KCNN1: variants seen among roughly 807,000 people sequenced by gnomAD.
KCNN1 encodes the protein potassium calcium-activated channel subfamily N member 1, also known as small conductance calcium-activated potassium channel protein 1.
In KCNN1, 20 loss-of-function variants were observed where a neutral mutation model predicts 44.7. That is an observed-to-expected ratio of 0.45 (90% CI 0.32 to 0.65). The LOEUF is 0.65. KCNN1 is among the 30% of genes least tolerant of loss of function. The pLI is 0.05. For synonymous variants in KCNN1, 324 were observed against 341.7 expected (o/e 0.95, Z 0.57); for missense variants, 632 against 785.3 (o/e 0.80, Z 2.33).
chr19:17,998,061 G>T lies in KCNN1; in HGVS notation c.1378-91G>T. The T allele has an allele frequency of 7.1e-7, 1 of 1,400,232 alleles. No homozygotes were observed. The highest frequency in any genetic ancestry group is 9.5e-7 in the Non-Finnish European group (1 of 1,056,180). The allele number at this position is 1,400,232 out of a possible 1,614,324, so 86.7% of individuals were successfully genotyped here. On this transcript the variant is annotated intron_variant, in intron 9 of 9. Coordinates refer to ENST00000684775, the MANE Select transcript of KCNN1 (RefSeq NM_001386974.1). The surrounding 1 kb of genome is among the most constrained non-coding windows in gnomAD (Gnocchi z 5.4). ...GGCTGGCACCCACCTGGAGCGTGTG[G>T]GCTGTCCCTCTCTGTCATTGGTGTC...
At chr19:17,981,609 C>A in intron 3 of KCNN1, 100 bp from the exon 4 acceptor site, 1 of 977,654 alleles carries the variant, frequency 1.0e-6, no homozygotes, top group Non-Finnish European at 1.5e-6. Context: ...TGTGGGGTTT[C>A]AGGCCAGGCT....
upstream of KCNN1, among the ~76,000 whole-genome samples, chr19:17,964,505 C>T (rs1382463079): frequency 3.3e-5 from 5 of 152,258 alleles, no homozygotes; most frequent in East Asian, 1.9e-4. The surrounding 1 kb of genome is among the most constrained non-coding windows in gnomAD (Gnocchi z 4.3). Context: ...ACAGCCTGTG[C>T]GCAAGGCAGT....
chr19:17,960,544 C>T (rs907553353), intron 2 of KCNN1, among the ~76,000 whole-genome samples: 4 of 151,834 alleles, frequency 2.6e-5, no homozygotes, highest in African/African-American at 4.8e-5. Context: ...GCAGGAGAAT[C>T]GCTTGAACGT....
upstream of KCNN1, among the ~76,000 whole-genome samples, chr19:17,965,731 AG>A (rs1053347757): frequency 1.4e-5 from 2 of 144,658 alleles, no homozygotes; most frequent in African/African-American, 5.0e-5. Flanking sequence ...CACTCGTAAC[AG>A]CCCCCTGTTA....
At chr19:17,988,154 CAAAAAAAA>C (rs59928660) in intron 5 of KCNN1, among the ~76,000 whole-genome samples, 7 of 53,524 alleles carry the variant, frequency 1.3e-4, no homozygotes, top group East Asian at 1.0e-3. Context: ...GACTCCATCT[CAAAAAAAA>C]AAAAAAAAAA....
Position 17,967,223 on chromosome 19 carries a change from C to T in KCNN1, c.-176C>T. 1.0e-6 allele frequency: 1 copy of T among 982,102 alleles called. No individual in the cohort carries two copies. The highest frequency in any genetic ancestry group is 4.5e-5 in the South Asian group (1 of 22,010). 60.8% of individuals were successfully genotyped at this position (982,102 alleles called of 1,614,324 possible). ...CCCGCTCGCTGCTGCCCGCCCCGTC[C>T]GCGACCCCGGCTCCGGCTCCCGACT... is the stretch of plus-strand genomic sequence containing the variant. On this transcript the variant is annotated 5_prime_UTR_variant, in exon 1 of 10. Transcript: ENST00000684775.
chr19:17,994,350 G>A (rs771881401), intron 9 of KCNN1, among the ~76,000 whole-genome samples: 1 of 151,774 alleles, frequency 6.6e-6, no homozygotes, highest in Non-Finnish European at 1.5e-5. Flanking sequence ...GGGAGGCTGA[G>A]GCGGGAGAAT....
rs369304720 is a variant in KCNN1, at chr19:17,957,108, A to C, written c.-82+2427A>C. Among the ~76,000 whole-genome samples the C allele has an allele frequency of 6.8e-5, 10 of 146,908 alleles. 1 individual carries two copies. The highest frequency in any genetic ancestry group is 2.5e-4 in the African/African-American group (10 of 40,006). ...AACAGAGAAAGGGAGGGAGGGAGGGACAGAGGGAGGGAGGAAGGAAGGAAG... is the reference window on the plus strand; with the variant it reads ...AACAGAGAAAGGGAGGGAGGGAGGGCCAGAGGGAGGGAGGAAGGAAGGAAG... On this transcript the variant is annotated intron_variant, in intron 2 of 10. Transcript: ENST00000222249.
chr19:17,968,213 G>A lies in KCNN1; in HGVS notation c.-82+896G>A, dbSNP rs571417168. Among the ~76,000 whole-genome samples the A allele has an allele frequency of 5.9e-5, 9 of 152,232 alleles. No individual in the cohort carries two copies. In the East Asian group the frequency reaches 1.5e-3, roughly 26 times the overall value. ...CCCACATGTCCCAGAAGTTTCTGCT[G>A]TGTGCTGATCTGGTTGTGGTACCCG... On this transcript the variant is annotated intron_variant, in intron 1 of 9. Coordinates refer to ENST00000684775, the MANE Select transcript of KCNN1 (RefSeq NM_001386974.1).
chr19:17,966,235 C>G (rs1342228111), upstream of KCNN1, among the ~76,000 whole-genome samples: 1 of 152,172 alleles, frequency 6.6e-6, no homozygotes, highest in Non-Finnish European at 1.5e-5. Context: ...GTGGGATCTG[C>G]TGGCTCCAGG....
At chr19:17,989,615 T>G in intron 6 of KCNN1, 101 bp from the exon 7 acceptor site, 2 of 1,559,144 alleles carry the variant, frequency 1.3e-6, no homozygotes, top group South Asian at 2.3e-5. Flanking sequence ...CTGAGAGGCA[T>G]TTCCAGAAGT....
chr19:17,966,343 GAGGA>G (rs540510325), upstream of KCNN1, among the ~76,000 whole-genome samples: 1 of 152,286 alleles, frequency 6.6e-6, no homozygotes, highest in Non-Finnish European at 1.5e-5. Context: ...ACTGGAAGAG[GAGGA>G]AGGAAGAGCT....
rs570869818 is a variant in KCNN1 at position 17,981,565 on chromosome 19, A to G, written c.499-144A>G. Reference sequence around the variant, plus strand: ...AAAACTCCATCTCAAAAAAAAAAAAAAAAGAAAGAAAGAAAGAAAGAAAAA... The same window carrying G: ...AAAACTCCATCTCAAAAAAAAAAAAGAAAGAAAGAAAGAAAGAAAGAAAAA... On this transcript the variant is annotated intron_variant, in intron 3 of 9. Transcript: ENST00000684775. 2.2e-3 allele frequency: 1,508 copies of G among 701,180 alleles called. 3 individuals carry two copies. The highest frequency in any genetic ancestry group is 2.6e-3 in the South Asian group (115 of 43,474). The allele number at this position is 701,180 out of a possible 1,614,324, so 43.4% of individuals were successfully genotyped here.
At chr19:17,996,183 A>G (rs954816730) in intron 9 of KCNN1, among the ~76,000 whole-genome samples, 16 of 150,954 alleles carry the variant, frequency 1.1e-4, no homozygotes, top group African/African-American at 3.9e-4. Context: ...AAAAAAAAAA[A>G]AATAGAAAAA....
intron 9 of KCNN1, among the ~76,000 whole-genome samples, chr19:17,997,668 CAA>C (rs1279528813): frequency 2.0e-5 from 3 of 152,112 alleles, no homozygotes; most frequent in African/African-American, 7.2e-5. Flanking sequence ...TTAGTGGAGA[CAA>C]AGTTTCACCA....
At chr19:17,979,366 G>A (rs544453273) in intron 3 of KCNN1, among the ~76,000 whole-genome samples, 1 of 145,498 alleles carries the variant, frequency 6.9e-6, no homozygotes, top group Non-Finnish European at 1.5e-5. Flanking sequence ...CCGGGAGTAG[G>A]AGCTTGCAGT....
At chr19:17,964,595 C>A (rs2031754705), upstream of KCNN1, among the ~76,000 whole-genome samples, 1 of 152,234 alleles carries the variant, frequency 6.6e-6, no homozygotes, top group Non-Finnish European at 1.5e-5. This position sits in a 1 kb window ranked among gnomAD's most constrained non-coding sequence, Gnocchi z 4.3. Context: ...TTCCAGCCAA[C>A]CATGGGCTGA....
intron 2 of KCNN1, among the ~76,000 whole-genome samples, chr19:17,955,562 C>CAAAA (rs58125650): frequency 1.1e-4 from 6 of 53,882 alleles, no homozygotes; most frequent in Middle Eastern, 0.01. Context: ...ACTCCATCTC[C>CAAAA]AAAAAAAAAA....
rs750178153 is a variant in KCNN1 at position 17,974,243 on chromosome 19, G to A, written c.355G>A (p.Val119Ile). The A allele has an allele frequency of 1.9e-5, 30 of 1,607,200 alleles. No individual in the cohort carries two copies. Among genetic ancestry groups the A allele is most frequent in the Admixed American group, 5.0e-5 (3 of 59,482 alleles). ...YALIFGMFGI[V>I]VMVTETELSW... ...CCTCATTTTCGGCATGTTTGGCATC[G>A]TCGTCATGGTGACGGAGACCGAGCT... is the stretch of plus-strand genomic sequence containing the variant. The change falls in exon 2 of 10, where the codon GTC becomes ATC. Residue 119 changes from valine (V) to isoleucine (I), a missense_variant. This residue lies in a region of KCNN1 where 235 missense variants were observed against 224.0 expected (regional missense o/e 1.05). Transcript: ENST00000684775. This position sits in a 1 kb window ranked among gnomAD's most constrained non-coding sequence, Gnocchi z 7.3.
Sources: allele counts gnomAD v4.1 joint callset (sites outside exome capture counted in the v4.1 genomes callset), GRCh38; gene constraint gnomAD v4.1.1; regional missense constraint gnomAD v4.1.1; non-coding constraint Gnocchi (gnomAD v3.1); transcripts MANE v1.5; gene names NCBI Gene and HGNC (gene_info 2026-07-23, HGNC 2026-07-21).